The following SVEP1 variants were observed in gnomAD, a reference collection of about 807,000 sequenced individuals.
The protein encoded by SVEP1 is sushi, von Willebrand factor type A, EGF and pentraxin domain containing 1, also known as sushi, von Willebrand factor type A, EGF and pentraxin domain-containing protein 1.
SVEP1 carries 164 observed loss-of-function variants against 367.3 expected under a neutral mutation model. The observed-to-expected ratio is 0.45, with a 90% CI of 0.39 to 0.51. SVEP1 has a LOEUF of 0.51. Ranked by LOEUF, SVEP1 falls within the 20% of genes least tolerant of loss-of-function variation. The probability of loss-of-function intolerance (pLI) is 0.00; values close to 1 mark genes in which losing one functional copy is unlikely to be tolerated. For synonymous variants in SVEP1, 1,666 were observed against 1,611.6 expected (o/e 1.03, Z -0.81); for missense variants, 4,117 against 4,425.3 (o/e 0.93, Z 1.98).
rs763986395 is a variant in SVEP1 at position 110,407,207 on chromosome 9, T to A, written c.8393A>T (p.Tyr2798Phe). Residue 2798 changes from tyrosine to phenylalanine, a missense_variant, in exon 38 of 48, where the codon TAC (tyrosine) becomes TTC (phenylalanine). By Grantham distance (22) the Tyr-to-Phe change is conservative. This residue lies in a region of SVEP1 where 1,765 missense variants were observed against 1,781.1 expected (regional missense o/e 0.99). Transcript: ENST00000374469. ...GSNYTYLSTLYYECDPGYVLN... is the reference protein window; with the variant it reads ...GSNYTYLSTLFYECDPGYVLN... ...CACATATCCGGGGTCACACTCATAG[T>A]ACAACGTGCTCAGGTATGTGTAGTT... 41 of 1,613,914 alleles carry A rather than the reference T, an allele frequency of 2.5e-5. No individual in the cohort carries two copies. The highest frequency in any genetic ancestry group is 3.1e-5 in the Non-Finnish European group (37 of 1,179,896).
intron 40 of SVEP1, among the ~76,000 whole-genome samples, chr9:110,396,338 C>T (rs1827759028): frequency 6.6e-6 from 1 of 152,148 alleles, no homozygotes; most frequent in African/African-American, 2.4e-5. Flanking sequence ...CTCTGGGACA[C>T]ATTCAAAGCA....
At chr9:110,378,626 T>G (rs539724439) in intron 44 of SVEP1, among the ~76,000 whole-genome samples, 91 of 152,024 alleles carry the variant, frequency 6.0e-4, no homozygotes, top group African/African-American at 2.0e-3. Context: ...GTCAATTTTG[T>G]CTTTTGTTGC....
In SVEP1 at chr9:110,439,341, T is replaced by A. The variant is rs1828477903; in HGVS notation, c.4640-2837A>T. Among the ~76,000 whole-genome samples, 3 of 152,320 alleles carry A rather than the reference T, an allele frequency of 2.0e-5. No homozygotes were observed. In the South Asian group the frequency reaches 6.2e-4, roughly 32 times the overall value. ...CCAGGAACCAACCATACTGCTACCC[T>A]GATCTCAGACTTCTAGCCTGCAGGA... On this transcript the variant is annotated intron_variant, in intron 27 of 47. Coordinates refer to ENST00000374469, the MANE Select transcript of SVEP1 (RefSeq NM_153366.4).
rs916520806 is a variant in SVEP1 at position 110,544,619 on chromosome 9, C to T, written c.964+1496G>A. Among the ~76,000 whole-genome samples the T allele has an allele frequency of 1.2e-4, 11 of 90,514 alleles. No homozygotes were observed. The South Asian group carries it at 2.7e-3, about 22-fold the overall frequency. 59.4% of individuals were successfully genotyped at this position (90,514 alleles called of 152,430 possible). Reference sequence around the variant, plus strand: ...AATTACAAATGTCAATGAAATAAATCCCATTCATTATTATTTTTTAATTGA... The same window carrying T: ...AATTACAAATGTCAATGAAATAAATTCCATTCATTATTATTTTTTAATTGA... On this transcript the variant is annotated intron_variant, in intron 3 of 47. Coordinates refer to ENST00000374469, the MANE Select transcript of SVEP1 (RefSeq NM_153366.4).
At chr9:110,472,029 T>C (rs1318338236) in intron 15 of SVEP1, 130 bp downstream of exon 15, 2 of 983,428 alleles carry the variant, frequency 2.0e-6, no homozygotes, top group Admixed American at 2.6e-5. Flanking sequence ...CTTAGTTAAC[T>C]GTGCTTTCCC....
At chr9:110,491,036 T>C (rs1044289990) in intron 8 of SVEP1, among the ~76,000 whole-genome samples, 1 of 152,008 alleles carries the variant, frequency 6.6e-6, no homozygotes, top group African/African-American at 2.4e-5. Flanking sequence ...AAACTATAAT[T>C]TGGAAATATA....
At chr9:110,373,071 AAAT>A (rs756941034) in intron 46 of SVEP1, among the ~76,000 whole-genome samples, 23 of 152,306 alleles carry the variant, frequency 1.5e-4, no homozygotes, top group Non-Finnish European at 2.6e-4. Context: ...GAAGGAACAA[AAAT>A]AATGATGGTG....
intron 1 of SVEP1, among the ~76,000 whole-genome samples, chr9:110,554,073 A>G (rs1830325101): frequency 6.6e-6 from 1 of 152,156 alleles, no homozygotes; most frequent in South Asian, 2.1e-4. Context: ...TTACTGATTA[A>G]ACTGTTCTTT....
chr9:110,556,258 G>A (rs554493797), intron 1 of SVEP1, among the ~76,000 whole-genome samples: 5 of 152,138 alleles, frequency 3.3e-5, no homozygotes, highest in South Asian at 2.1e-4. Flanking sequence ...TACACAAGAC[G>A]GCACCCCCAC....
At chr9:110,528,109 T>C (rs1829964447) in intron 3 of SVEP1, among the ~76,000 whole-genome samples, 1 of 143,580 alleles carries the variant, frequency 7.0e-6, no homozygotes, top group African/African-American at 2.5e-5. Flanking sequence ...TACACACATA[T>C]ACATATATAC....
chr9:110,397,721 A>G (rs1305269131), intron 40 of SVEP1, among the ~76,000 whole-genome samples: 1 of 152,190 alleles, frequency 6.6e-6, no homozygotes, highest in Admixed American at 6.5e-5. Flanking sequence ...GAGCCAAATC[A>G]TGAGTGAACT....
chr9:110,462,383 TC>T (rs1828870636), intron 18 of SVEP1, among the ~76,000 whole-genome samples: 1 of 151,986 alleles, frequency 6.6e-6, no homozygotes, highest in South Asian at 2.1e-4. Context: ...TAAGTTATTG[TC>T]CAAGGGCAGA....
Position 110,458,459 on chromosome 9 carries a change from A to C in SVEP1, c.3576+12T>G, listed in dbSNP as rs1010614769. 21 of 1,608,238 alleles carry C rather than the reference A, an allele frequency of 1.3e-5. No homozygotes were observed. The highest frequency in any genetic ancestry group is 1.7e-5 in the Non-Finnish European group (20 of 1,177,154). On this transcript the variant is annotated intron_variant, in intron 20 of 47. Coordinates refer to ENST00000374469, the MANE Select transcript of SVEP1 (RefSeq NM_153366.4). ...ATTCCACTAGAGAACAGTTTATGCA[A>C]AATGAACTTGCCTGACTGCTGATTT...
At chr9:110,441,333 CTG>C (rs1237651286) in intron 27 of SVEP1, among the ~76,000 whole-genome samples, 1 of 152,106 alleles carries the variant, frequency 6.6e-6, no homozygotes, top group Non-Finnish European at 1.5e-5. Flanking sequence ...TCTAGTTTGT[CTG>C]TGTTTCTCTT....
chr9:110,378,458 T>C (rs970977473), intron 44 of SVEP1, among the ~76,000 whole-genome samples: 5 of 152,216 alleles, frequency 3.3e-5, no homozygotes, highest in African/African-American at 9.6e-5. Flanking sequence ...TCTGTTTTTC[T>C]TGTAAATTTG....
intron 21 of SVEP1, among the ~76,000 whole-genome samples, chr9:110,456,116 C>T (rs1350920562): frequency 6.6e-6 from 1 of 152,196 alleles, no homozygotes; most frequent in Non-Finnish European, 1.5e-5. Flanking sequence ...AGAGTGGCTG[C>T]ATCTTCCCAC....
At chr9:110,482,745 C>G (rs1024959376) in intron 10 of SVEP1, among the ~76,000 whole-genome samples, 5 of 152,192 alleles carry the variant, frequency 3.3e-5, no homozygotes, top group African/African-American at 1.2e-4. Flanking sequence ...CCAGGCTGGT[C>G]TTGAACTCCT....
chr9:110,437,136 T>G (rs1174220871), intron 27 of SVEP1, among the ~76,000 whole-genome samples: 8 of 152,126 alleles, frequency 5.3e-5, no homozygotes, highest in Non-Finnish European at 1.5e-5. Context: ...TCACCCAGCT[T>G]CCTTGCCCCG....
intron 1 of SVEP1, among the ~76,000 whole-genome samples, chr9:110,571,354 G>A (rs1830560337): frequency 6.6e-6 from 1 of 152,118 alleles, no homozygotes. Context: ...GTTCCCCAAT[G>A]AGATCTATGT....
Sources: allele counts gnomAD v4.1 joint callset (sites outside exome capture counted in the v4.1 genomes callset), GRCh38; gene constraint gnomAD v4.1.1; regional missense constraint gnomAD v4.1.1; transcripts MANE v1.5; gene names NCBI Gene and HGNC (gene_info 2026-07-23, HGNC 2026-07-21).